The following TMEM132D variants were observed in gnomAD, a reference collection of about 807,000 sequenced individuals.
The protein encoded by TMEM132D is mature OL transmembrane protein.
Under a neutral mutation model 62.3 loss-of-function variants are expected in TMEM132D, and 21 were observed. The ratio of observed to expected loss-of-function variants is 0.34; its 90% CI spans 0.24 to 0.49. TMEM132D has a LOEUF of 0.49. TMEM132D is among the 20% of genes least tolerant of loss of function. The pLI, the probability that TMEM132D is intolerant of heterozygous loss-of-function variation, is 0.99. For missense variants in TMEM132D, 1,346 were observed against 1,402.8 expected, an observed-to-expected ratio of 0.96 and a Z score of 0.65; for synonymous variants, 621 against 575.6, an observed-to-expected ratio of 1.08 and a Z score of -1.13.
intron 5 of TMEM132D, among the ~76,000 whole-genome samples, chr12:129,184,215 C>T (rs1403826455): frequency 1.3e-5 from 2 of 152,192 alleles, no homozygotes; most frequent in African/African-American, 4.8e-5. Context: ...CCGCAGCAGC[C>T]ATGCAGGCGG....
intron 1 of TMEM132D, among the ~76,000 whole-genome samples, chr12:129,739,781 G>C (rs1333997203): frequency 6.6e-6 from 1 of 152,058 alleles, no homozygotes; most frequent in Non-Finnish European, 1.5e-5. Context: ...GGAAATATGA[G>C]GTCTTCTACA....
chr12:129,235,353 T>C (rs1879751477), intron 4 of TMEM132D, among the ~76,000 whole-genome samples: 1 of 151,630 alleles, frequency 6.6e-6, no homozygotes, highest in Non-Finnish European at 1.5e-5. Context: ...TCAACAAAGT[T>C]CATTCACACT....
intron 5 of TMEM132D, among the ~76,000 whole-genome samples, chr12:129,153,591 C>T (rs757379925): frequency 6.6e-6 from 1 of 152,108 alleles, no homozygotes; most frequent in Non-Finnish European, 1.5e-5. Flanking sequence ...TCTCATGAGG[C>T]ATTTTCATAC....
chr12:129,521,190 AG>A (rs1309154351), intron 3 of TMEM132D: 1 of 152,232 alleles, frequency 6.6e-6, no homozygotes, highest in Non-Finnish European at 1.5e-5. Context: ...GTTATAGGAA[AG>A]GGGTCACTGG....
intron 2 of TMEM132D, among the ~76,000 whole-genome samples, chr12:129,680,702 T>C (rs1351650049): frequency 2.6e-5 from 4 of 152,158 alleles, no homozygotes; most frequent in Non-Finnish European, 5.9e-5. Flanking sequence ...TATCGGTAAG[T>C]AGTTACAGAG....
chr12:129,814,536 G>A lies in TMEM132D; in HGVS notation c.79+88725C>T, dbSNP rs1287389991. 3.4e-5 allele frequency among the ~76,000 whole-genome samples: 5 copies of A among 149,090 alleles called. No homozygotes were observed. The South Asian group carries it at 6.4e-4, about 19-fold the overall frequency. On this transcript the variant is annotated intron_variant, in intron 1 of 8. Transcript: ENST00000422113. ...TGAGGCAGGAGAATCGCTTGAACCC[G>A]GGAGACAGAGGTTGCAGTGAGCCGA... is the stretch of plus-strand genomic sequence containing the variant.
chr12:129,842,522 G>A (rs1873229785), intron 1 of TMEM132D, among the ~76,000 whole-genome samples: 2 of 151,924 alleles, frequency 1.3e-5, no homozygotes, highest in Admixed American at 6.6e-5. Flanking sequence ...AGGCTGGAGT[G>A]CAGTAGTGTG....
At chr12:129,251,134 G>A (rs1880251620) in intron 4 of TMEM132D, among the ~76,000 whole-genome samples, 1 of 151,942 alleles carries the variant, frequency 6.6e-6, no homozygotes, top group Admixed American at 6.6e-5. Context: ...GAGGTGGGTG[G>A]GTTGCCTGAG....
chr12:129,533,406 C>T (rs1294584053), intron 2 of TMEM132D, among the ~76,000 whole-genome samples: 3 of 152,188 alleles, frequency 2.0e-5, no homozygotes, highest in African/African-American at 7.2e-5. Context: ...TGGACAGCTA[C>T]TATTATACTA....
chr12:129,794,690 A>G (rs998134378), intron 1 of TMEM132D, among the ~76,000 whole-genome samples: 1 of 152,078 alleles, frequency 6.6e-6, no homozygotes, highest in African/African-American at 2.4e-5. Flanking sequence ...TGGGCATTTT[A>G]TTACATTATT....
intron 4 of TMEM132D, among the ~76,000 whole-genome samples, chr12:129,308,155 T>A (rs1044380776): frequency 1.3e-5 from 2 of 152,358 alleles, no homozygotes; most frequent in Admixed American, 6.5e-5. Flanking sequence ...GAAGGATTCC[T>A]CTTTACCTAA....
chr12:129,691,023 A>C (rs1428139934), intron 2 of TMEM132D, among the ~76,000 whole-genome samples: 2 of 152,122 alleles, frequency 1.3e-5, no homozygotes, highest in Non-Finnish European at 2.9e-5. Flanking sequence ...AGAAATCAAT[A>C]CTAGAAAGAT....
intron 3 of TMEM132D, among the ~76,000 whole-genome samples, chr12:129,518,957 AG>A (rs1875764783): frequency 6.6e-6 from 1 of 152,198 alleles, no homozygotes; most frequent in Admixed American, 6.5e-5. Context: ...TTTTCTACAT[AG>A]GAAGTTCTTT....
rs190371850 is a variant in TMEM132D at position 129,116,350 on chromosome 12, G to C, written c.1444-31648C>G. Among the ~76,000 whole-genome samples the C allele has an allele frequency of 3.3e-5, 5 of 152,306 alleles. No homozygotes were observed. The East Asian group carries it at 9.7e-4, about 29-fold the overall frequency. On this transcript the variant is annotated intron_variant, in intron 5 of 8. Transcript: ENST00000422113. The stretch of plus-strand genomic sequence containing the variant: ...GCTGGCCAGTCCTAGTCATTTATTA[G>C]AGAGAAAGGCACATTAACACTGCAA...
intron 2 of TMEM132D, among the ~76,000 whole-genome samples, chr12:129,536,073 A>T (rs1876378947): frequency 6.6e-6 from 1 of 152,218 alleles, no homozygotes; most frequent in Non-Finnish European, 1.5e-5. Flanking sequence ...AAGAGATCCA[A>T]ACTTCTGGAC....
At chr12:129,563,719 A>G (rs1306281166) in intron 2 of TMEM132D, among the ~76,000 whole-genome samples, 1 of 152,202 alleles carries the variant, frequency 6.6e-6, no homozygotes, top group African/African-American at 2.4e-5. Context: ...TGTGGGGAAG[A>G]CAAGAGGGAG....
At chr12:129,609,761 C>T (rs1878720833) in intron 2 of TMEM132D, among the ~76,000 whole-genome samples, 1 of 152,168 alleles carries the variant, frequency 6.6e-6, no homozygotes. Flanking sequence ...TGTATGCTGC[C>T]CTGGACAGCA....
At chr12:129,571,289 G>T (rs1877505402) in intron 2 of TMEM132D, among the ~76,000 whole-genome samples, 1 of 152,178 alleles carries the variant, frequency 6.6e-6, no homozygotes, top group South Asian at 2.1e-4. Context: ...TTTAAGGCCG[G>T]GCGTGGTGGT....
chr12:129,401,900 G>A (rs1378779083), intron 3 of TMEM132D, among the ~76,000 whole-genome samples: 1 of 152,190 alleles, frequency 6.6e-6, no homozygotes, highest in Non-Finnish European at 1.5e-5. Flanking sequence ...AGCCAGGGCA[G>A]CCTGAGGAAT....
Sources: gnomAD v4.1 joint callset for allele counts (sites outside exome capture counted in the v4.1 genomes callset) on GRCh38, gnomAD v4.1.1 for gene constraint, MANE v1.5 for transcripts, NCBI Gene and HGNC (gene_info 2026-07-23, HGNC 2026-07-21) for gene names.